The following PCDHA3 variants were observed in gnomAD, a reference collection of about 807,000 sequenced individuals.
The protein encoded by PCDHA3 is protocadherin alpha 3.
PCDHA3 carries 41 observed loss-of-function variants against 62.2 expected under a neutral mutation model. The observed-to-expected ratio is 0.66, with a 90% confidence interval of 0.51 to 0.86. The LOEUF (loss-of-function observed/expected upper bound fraction) is 0.86, where lower values mean the gene tolerates loss of function less well. PCDHA3 is among the 40% of genes least tolerant of loss of function. PCDHA3 has a pLI of 0.00. For missense variants in PCDHA3, 1,304 were observed against 1,241.2 expected, an observed-to-expected ratio of 1.05 and a Z score of -0.76; for synonymous variants, 640 against 555.4, an observed-to-expected ratio of 1.15 and a Z score of -2.14.
chr5:140,808,573 G>A (rs782400462), intron 1 of PCDHA3: 4 of 1,613,964 alleles, frequency 2.5e-6, no homozygotes, highest in South Asian at 2.2e-5. Context: ...AGTACACAGT[G>A]TTCGTGAAGG....
chr5:140,985,226 C>T (rs1319001576), intron 3 of PCDHA3, among the ~76,000 whole-genome samples: 6 of 152,126 alleles, frequency 3.9e-5, no homozygotes, highest in Admixed American at 6.5e-5. Flanking sequence ...CGTGAGCCAC[C>T]GCGCCTGGCC....
intron 1 of PCDHA3, chr5:140,966,755 C>T (rs1554228616): frequency 7.0e-7 from 1 of 1,434,520 alleles, no homozygotes; most frequent in Admixed American, 2.7e-5. Context: ...GCCTCCGCCG[C>T]GGCCAGTGGC....
intron 1 of PCDHA3, among the ~76,000 whole-genome samples, chr5:140,880,884 G>A (rs540368068): frequency 2.0e-5 from 3 of 152,304 alleles, no homozygotes; most frequent in South Asian, 4.1e-4. Flanking sequence ...ATAAAGAAAT[G>A]TAGGGCCAGA....
At chr5:140,855,994 G>T in intron 1 of PCDHA3, 2 of 1,498,182 alleles carry the variant, frequency 1.3e-6, no homozygotes, top group South Asian at 1.3e-5. Flanking sequence ...ATGTCAGATC[G>T]TATGTGCGTT....
chr5:140,807,346 A>G (rs373851381), intron 1 of PCDHA3: 57 of 1,612,700 alleles, frequency 3.5e-5, no homozygotes, highest in Middle Eastern at 3.5e-4. Context: ...AGGACCTGGG[A>G]CTGGAGCTGG....
chr5:140,856,202 G>A lies in PCDHA3; in HGVS notation c.2394+52611G>A, dbSNP rs150172685. On this transcript the variant is annotated intron_variant, in intron 1 of 3. Coordinates refer to ENST00000522353, the MANE Select transcript of PCDHA3 (RefSeq NM_018906.3). The stretch of plus-strand genomic sequence containing the variant: ...CGTGGGCCGCATCGCGCAGGACCTG[G>A]GGCTGGAGCTGGCGGAGCTGGTGCA... 2,025 of 1,598,130 alleles carry A rather than the reference G, an allele frequency of 1.3e-3. 175 individuals carry two copies. Among genetic ancestry groups the A allele is most frequent in the Non-Finnish European group, 1.6e-3 (1,906 of 1,167,884 alleles).
intron 1 of PCDHA3, among the ~76,000 whole-genome samples, chr5:140,832,944 A>C (rs1253078122): frequency 6.6e-6 from 1 of 152,194 alleles, no homozygotes; most frequent in African/African-American, 2.4e-5. Flanking sequence ...AGAGTAACTT[A>C]AGTGAGTATA....
intron 1 of PCDHA3, chr5:140,851,739 C>T: frequency 1.0e-6 from 1 of 971,880 alleles, no homozygotes; most frequent in Non-Finnish European, 1.2e-6. Context: ...TTTTGAAATT[C>T]AGAGTCTGTA....
At chr5:140,919,176 C>A (rs2079027921) in intron 1 of PCDHA3, among the ~76,000 whole-genome samples, 2 of 152,184 alleles carry the variant, frequency 1.3e-5, no homozygotes, top group Non-Finnish European at 1.5e-5. Flanking sequence ...GTTGCTATAT[C>A]TTCCTGATTG....
At chr5:140,883,365 G>A in intron 1 of PCDHA3, 1 of 1,614,148 alleles carries the variant, frequency 6.2e-7, no homozygotes, top group Non-Finnish European at 8.5e-7. Context: ...ACTCAGCCTA[G>A]CGCCATTATT....
Position 140,825,402 on chromosome 5 carries a change from ATATATTT to A in PCDHA3, c.2394+21817_2394+21823del, listed in dbSNP as rs1255200035. 3 of 146,358 alleles carry A rather than the reference ATATATTT, an allele frequency of 2.0e-5. No homozygotes were observed. In the East Asian group the frequency reaches 5.8e-4, roughly 28 times the overall value. 9.1% of individuals were successfully genotyped at this position (146,358 alleles called of 1,614,324 possible). A position where few individuals can be genotyped will look rare whatever the true frequency, so the allele number is the denominator to read the frequency against. On this transcript the variant is annotated intron_variant, in intron 1 of 3. Transcript: ENST00000522353. The stretch of plus-strand genomic sequence containing the variant: ...ATATCTAATATATATCTAATATATT[ATATATTT>A]TATATAATATATATAATAAATATAT...
In PCDHA3 at chr5:140,803,589, A is replaced by G. The variant is rs782421319; in HGVS notation, c.2392A>G (p.Lys798Glu). 4 of 1,614,222 alleles carry G rather than the reference A, an allele frequency of 2.5e-6. No individual in the cohort carries two copies. The Admixed American group carries it at 6.7e-5, about 27-fold the overall frequency. Reference sequence around the variant, plus strand: ...GGATGTGGACGTTGATCTCTCAGCCAAAGTGAGTAATTTTTATTTATTCTT... The same window carrying G: ...GGATGTGGACGTTGATCTCTCAGCCGAAGTGAGTAATTTTTATTTATTCTT... ...KQDVDVDLSA[K>E]PRQPNPDWRY... The change falls in exon 1 of 4, where the codon AAA becomes GAA. Residue 798 changes from lysine to glutamate, a missense_variant and splice_region_variant. Coordinates refer to ENST00000522353, the MANE Select transcript of PCDHA3 (RefSeq NM_018906.3).
chr5:140,928,256 C>G (rs1192362928), intron 1 of PCDHA3: 19 of 1,614,116 alleles, frequency 1.2e-5, no homozygotes, highest in Non-Finnish European at 1.5e-5. Flanking sequence ...CTTTTCGTTG[C>G]TGAAAACAAT....
At chr5:140,941,629 A>G (rs965702759) in intron 1 of PCDHA3, among the ~76,000 whole-genome samples, 12 of 151,584 alleles carry the variant, frequency 7.9e-5, no homozygotes, top group African/African-American at 2.9e-4. Context: ...CTGCTTCTTA[A>G]TTTCTGTCTT....
At chr5:140,969,598 T>C in intron 1 of PCDHA3, 1 of 790,872 alleles carries the variant, frequency 1.3e-6, no homozygotes, top group Non-Finnish European at 1.9e-6. Context: ...TAATATTTAA[T>C]GCTAAAACAC....
intron 1 of PCDHA3, chr5:140,870,816 C>A: frequency 4.3e-6 from 7 of 1,613,668 alleles, no homozygotes; most frequent in Admixed American, 1.7e-5. Flanking sequence ...AGGCTGGCAG[C>A]GCGGGAGGCG....
chr5:140,987,904 G>A (rs115515462), intron 3 of PCDHA3, among the ~76,000 whole-genome samples: 1 of 151,734 alleles, frequency 6.6e-6, no homozygotes, highest in African/African-American at 2.4e-5. Context: ...TTTTATATGG[G>A]GATTTATATT....
rs2150353196 is a variant in PCDHA3 at position 140,843,120 on chromosome 5, A to G, written c.2394+39529A>G. The G allele has an allele frequency of 2.5e-6, 4 of 1,595,472 alleles. 1 individual carries two copies. Among genetic ancestry groups the G allele is most frequent in the Non-Finnish European group, 3.4e-6 (4 of 1,165,480 alleles). Reference sequence around the variant, plus strand: ...GCGAAGGTGCGCGCAGTGGACGCCGACTCGGGCTACAACGCGTGGCTTTCG... The same window carrying G: ...GCGAAGGTGCGCGCAGTGGACGCCGGCTCGGGCTACAACGCGTGGCTTTCG... On this transcript the variant is annotated intron_variant, in intron 1 of 3. Coordinates refer to ENST00000522353, the MANE Select transcript of PCDHA3 (RefSeq NM_018906.3).
At chr5:140,819,297 TA>T (rs1766530327) in intron 1 of PCDHA3, among the ~76,000 whole-genome samples, 1 of 152,174 alleles carries the variant, frequency 6.6e-6, no homozygotes, top group Non-Finnish European at 1.5e-5. Context: ...TATAGCTTAT[TA>T]AAATTTTATT....
Sources: allele counts gnomAD v4.1 joint callset (sites outside exome capture counted in the v4.1 genomes callset), GRCh38; gene constraint gnomAD v4.1.1; transcripts MANE v1.5; gene names NCBI Gene and HGNC (gene_info 2026-07-23, HGNC 2026-07-21).